Variants in OPCML observed in about 807,000 individuals in gnomAD.
The protein encoded by OPCML is opioid-binding protein/cell adhesion molecule.
Under a neutral mutation model 37.8 loss-of-function variants are expected in OPCML, and 13 were observed. The ratio of observed to expected loss-of-function variants is 0.34; its 90% CI spans 0.22 to 0.55. OPCML has a LOEUF of 0.55. Among genes scored for constraint, OPCML ranks in the 20% least tolerant of loss-of-function variants. The probability of loss-of-function intolerance (pLI) is 0.91; values close to 1 mark genes in which losing one functional copy is unlikely to be tolerated. For missense variants in OPCML, 341 were observed against 435.6 expected, an observed-to-expected ratio of 0.78 and a Z score of 1.93; for synonymous variants, 176 against 168.8, an observed-to-expected ratio of 1.04 and a Z score of -0.33.
At chr11:132,652,604 G>A (rs964744982) in intron 3 of OPCML, among the ~76,000 whole-genome samples, 3 of 152,176 alleles carry the variant, frequency 2.0e-5, no homozygotes, top group Non-Finnish European at 2.9e-5. Flanking sequence ...GGAGATAACG[G>A]TCACTGCACT....
intron 4 of OPCML, among the ~76,000 whole-genome samples, chr11:132,519,697 G>A (rs1010894656): frequency 3.9e-5 from 6 of 152,236 alleles, no homozygotes; most frequent in African/African-American, 1.2e-4. Context: ...AAAAATGTGA[G>A]AGGAACAGCT....
chr11:132,478,241 T>C (rs2096164328), intron 4 of OPCML, among the ~76,000 whole-genome samples: 1 of 152,240 alleles, frequency 6.6e-6, no homozygotes, highest in African/African-American at 2.4e-5. Flanking sequence ...ATAATTTACA[T>C]ACATTTTCTA....
At chr11:133,115,539 T>C (rs564660127) in intron 1 of OPCML, among the ~76,000 whole-genome samples, 2 of 152,002 alleles carry the variant, frequency 1.3e-5, no homozygotes, top group Non-Finnish European at 2.9e-5. Flanking sequence ...CAGGCAGAGC[T>C]ATATAACACT....
In OPCML at chr11:133,026,369, G is replaced by A. The variant is rs560400539; in HGVS notation, c.62-83359C>T. On this transcript the variant is annotated intron_variant, in intron 1 of 7. Coordinates refer to ENST00000524381, the MANE Select transcript of OPCML (RefSeq NM_001012393.5). ...ATCCACGCGTAATACCCTGAAGGGT[G>A]GTGGTCTGATTGACGAGTGAGCACC... is the stretch of plus-strand genomic sequence containing the variant. The A allele has an allele frequency of 8.1e-6, 8 of 983,860 alleles. No homozygotes were observed. The South Asian group carries it at 1.9e-4, about 23-fold the overall frequency. 60.9% of individuals were successfully genotyped at this position (983,860 alleles called of 1,614,324 possible).
At chr11:133,449,712 A>G (rs1358996531) in intron 1 of OPCML, among the ~76,000 whole-genome samples, 1 of 151,576 alleles carries the variant, frequency 6.6e-6, no homozygotes. Context: ...AACACTTGTC[A>G]TTGGAAATGG....
intron 3 of OPCML, among the ~76,000 whole-genome samples, chr11:132,639,387 T>C (rs1245885562): frequency 2.0e-5 from 3 of 152,204 alleles, no homozygotes; most frequent in African/African-American, 4.8e-5. Context: ...CTTGGGGACA[T>C]GTGAGCAGGA....
chr11:132,514,211 A>G (rs1353255421), intron 4 of OPCML, among the ~76,000 whole-genome samples: 1 of 152,202 alleles, frequency 6.6e-6, no homozygotes, highest in Non-Finnish European at 1.5e-5. Flanking sequence ...TTTTGGTGAT[A>G]ATGATGATGA....
intron 2 of OPCML, among the ~76,000 whole-genome samples, chr11:132,903,059 G>T (rs551831518): frequency 1.3e-5 from 2 of 152,096 alleles, no homozygotes; most frequent in South Asian, 4.2e-4. Flanking sequence ...CCTCATACTT[G>T]TCTACATCCC....
At chr11:132,777,547 C>A (rs771133199) in intron 2 of OPCML, among the ~76,000 whole-genome samples, 3 of 152,166 alleles carry the variant, frequency 2.0e-5, no homozygotes, top group Non-Finnish European at 4.4e-5. Context: ...ACCCACGCTG[C>A]CTGCTGATTT....
Position 133,512,744 on chromosome 11 carries a change from T to C in OPCML, c.61+19520A>G, listed in dbSNP as rs538090080. On this transcript the variant is annotated intron_variant, in intron 1 of 7. Transcript: ENST00000524381. ...TATTCTGAGGTATTTAGGATCTCTG[T>C]CAGACTAGCCTATCACTCAGGAAAT... Among the ~76,000 whole-genome samples the C allele has an allele frequency of 6.6e-5, 10 of 152,274 alleles. No homozygotes were observed. In the East Asian group the frequency reaches 1.9e-3, roughly 29 times the overall value.
At chr11:133,207,728 C>T (rs576047132) in intron 1 of OPCML, among the ~76,000 whole-genome samples, 97 of 152,252 alleles carry the variant, frequency 6.4e-4, no homozygotes, top group Non-Finnish European at 1.2e-3. Context: ...GATGGCAATG[C>T]CGACTGAGGA....
At chr11:133,499,822 AC>A (rs1947869176) in intron 1 of OPCML, among the ~76,000 whole-genome samples, 1 of 142,566 alleles carries the variant, frequency 7.0e-6, no homozygotes, top group South Asian at 2.2e-4. Flanking sequence ...ATATATATAC[AC>A]ACATATATAT....
intron 2 of OPCML, among the ~76,000 whole-genome samples, chr11:132,658,947 T>C (rs537309209): frequency 6.6e-6 from 1 of 152,296 alleles, no homozygotes; most frequent in African/African-American, 2.4e-5. Context: ...TGAAACTATT[T>C]TTTTTTATTT....
chr11:132,554,710 G>T (rs184053952), intron 3 of OPCML, among the ~76,000 whole-genome samples: 82 of 152,210 alleles, frequency 5.4e-4, no homozygotes, highest in African/African-American at 1.9e-3. Context: ...CCAATGTTCT[G>T]AGCCTTAGCT....
intron 1 of OPCML, chr11:133,421,806 A>C: frequency 3.1e-6 from 3 of 982,474 alleles, no homozygotes; most frequent in East Asian, 1.1e-4. Context: ...CTTCCAGCTG[A>C]GTCCTCAGGC....
chr11:133,089,046 T>A (rs1296566604), intron 1 of OPCML, among the ~76,000 whole-genome samples: 2 of 152,206 alleles, frequency 1.3e-5, no homozygotes, highest in African/African-American at 4.8e-5. Flanking sequence ...TATCACAATG[T>A]GATGGAGTGA....
At chr11:133,263,397 T>C (rs777182444) in intron 1 of OPCML, among the ~76,000 whole-genome samples, 14 of 152,166 alleles carry the variant, frequency 9.2e-5, no homozygotes, top group Non-Finnish European at 1.5e-4. Context: ...TACAGTTGCC[T>C]ACAGTGTTCA....
intron 1 of OPCML, among the ~76,000 whole-genome samples, chr11:133,438,063 A>C (rs1294886702): frequency 6.6e-6 from 1 of 152,184 alleles, no homozygotes; most frequent in African/African-American, 2.4e-5. Context: ...AAAACACTAA[A>C]AGTTATAGTC....
At chr11:133,379,761 G>A (rs914509846) in intron 1 of OPCML, among the ~76,000 whole-genome samples, 23 of 152,268 alleles carry the variant, frequency 1.5e-4, no homozygotes, top group Middle Eastern at 3.4e-3. Flanking sequence ...TAGATCCTGC[G>A]TATAATGGCT....
Sources: allele counts gnomAD v4.1 joint callset (sites outside exome capture counted in the v4.1 genomes callset), GRCh38; gene constraint gnomAD v4.1.1; transcripts MANE v1.5; gene names NCBI Gene and HGNC (gene_info 2026-07-23, HGNC 2026-07-21).